The following KIF18A variants were observed in gnomAD, a reference collection of about 807,000 sequenced individuals.
KIF18A encodes the protein kinesin-like protein KIF18A.
In KIF18A, 67 loss-of-function variants were observed where a neutral mutation model predicts 103.3. That is an observed-to-expected ratio of 0.65 (90% CI 0.53 to 0.79). The LOEUF is 0.79. Ranked by LOEUF, KIF18A falls within the 30% of genes least tolerant of loss-of-function variation. KIF18A has a pLI of 0.00. For synonymous variants in KIF18A, 367 were observed against 355.5 expected, an observed-to-expected ratio of 1.03 and a Z score of -0.36; for missense variants, 1,032 against 1,062.5, an observed-to-expected ratio of 0.97 and a Z score of 0.40.
At chr11:28,066,151 T>C (rs923975045) in intron 11 of KIF18A, among the ~76,000 whole-genome samples, 2 of 152,016 alleles carry the variant, frequency 1.3e-5, no homozygotes, top group African/African-American at 2.4e-5. Flanking sequence ...TAGTTTTATG[T>C]AGTTTAGAAA....
intron 13 of KIF18A, among the ~76,000 whole-genome samples, chr11:28,051,472 T>A (rs924615904): frequency 2.0e-5 from 3 of 151,708 alleles, no homozygotes; most frequent in African/African-American, 7.3e-5. Context: ...TTGGAAAAAA[T>A]AAATTTAGAT....
At chr11:28,084,498 A>G (rs1565087602) in intron 7 of KIF18A, 134 bp downstream of exon 7, 1 of 532,070 alleles carries the variant, frequency 1.9e-6, no homozygotes, top group East Asian at 3.3e-5. Flanking sequence ...TAAGCAGGTT[A>G]GCAAAGACCC....
intron 13 of KIF18A, among the ~76,000 whole-genome samples, 185 bp downstream of exon 13, chr11:28,058,741 T>C (rs566533883): frequency 7.2e-6 from 1 of 139,804 alleles, no homozygotes; most frequent in Non-Finnish European, 1.5e-5. Flanking sequence ...ATATAGAACA[T>C]CAATGCATAC....
Position 28,036,240 on chromosome 11 carries a change from AT to A in KIF18A, c.2372del (p.Asn791MetfsTer33). 1 of 1,599,036 alleles carries A rather than the reference AT, an allele frequency of 6.3e-7. No individual in the cohort carries two copies. Among genetic ancestry groups the A allele is most frequent in the South Asian group, 1.1e-5 (1 of 89,016 alleles). ...ACCGTTGTAAAATGTCTTTGTTATC[AT>A]TTGGTAGTGATTCTTGTTCGGGTAA... ...CKLPEQESLP[N>X]DNKDILQRLD... is the part of the protein sequence containing the mutation. On this transcript the variant is annotated frameshift_variant, in exon 14 of 17. Coordinates refer to ENST00000263181, the MANE Select transcript of KIF18A (RefSeq NM_031217.4). LOFTEE classifies it high-confidence loss of function.
chr11:28,036,174 C>A, intron 14 of KIF18A, 43 bp downstream of exon 14: 3 of 1,299,568 alleles, frequency 2.3e-6, no homozygotes, highest in Non-Finnish European at 3.2e-6. Context: ...AGTTGAAAGT[C>A]TATGTTAAAA....
At chr11:28,032,718 C>A (rs768221939) in intron 15 of KIF18A, among the ~76,000 whole-genome samples, 76 of 151,760 alleles carry the variant, frequency 5.0e-4, no homozygotes, top group Admixed American at 7.2e-4. Context: ...GAAATGAAAT[C>A]AAAATGGATA....
At chr11:28,069,160 T>A in intron 11 of KIF18A, 99 bp downstream of exon 11, 1 of 880,444 alleles carries the variant, frequency 1.1e-6, no homozygotes, top group Non-Finnish European at 1.8e-6. Flanking sequence ...GAGGCAATAA[T>A]AGTTGTCTTA....
chr11:28,062,216 C>T (rs1850864318), intron 12 of KIF18A, among the ~76,000 whole-genome samples, 179 bp downstream of exon 12: 1 of 151,974 alleles, frequency 6.6e-6, no homozygotes, highest in Admixed American at 6.6e-5. Context: ...AATTTATAAA[C>T]CAATGTAAAA....
At chr11:28,032,914 A>T (rs890314553) in intron 15 of KIF18A, among the ~76,000 whole-genome samples, 3 of 151,844 alleles carry the variant, frequency 2.0e-5, no homozygotes, top group African/African-American at 4.8e-5. Flanking sequence ...ACAATCAATA[A>T]AGTGAAGAGA....
intron 1 of KIF18A, among the ~76,000 whole-genome samples, chr11:28,100,449 G>A (rs189997371): frequency 5.3e-5 from 8 of 150,820 alleles, no homozygotes; most frequent in Admixed American, 1.3e-4. Context: ...AGAGGCCATC[G>A]AGAAAAGCAA....
Position 28,094,708 on chromosome 11 carries a change from G to T in KIF18A, c.418C>A (p.Leu140Ile). The stretch of plus-strand genomic sequence containing the variant: ...TTAATCTCATCCATGCATTTGTAAA[G>T]GTGTAACATTGTTAGATACATCACT... ...PGVMYLTMLHLYKCMDEIKEE... is the reference protein window; with the variant it reads ...PGVMYLTMLHIYKCMDEIKEE... The change falls in exon 3 of 17, where the codon CTT becomes ATT. Residue 140 changes from leucine to isoleucine, a missense_variant. By Grantham distance (5) the Leu-to-Ile change is conservative (BLOSUM62 2). Coordinates refer to ENST00000263181, the MANE Select transcript of KIF18A (RefSeq NM_031217.4). 6.2e-7 allele frequency: 1 copy of T among 1,612,740 alleles called. No homozygotes were observed. Among genetic ancestry groups the T allele is most frequent in the Non-Finnish European group, 8.5e-7 (1 of 1,178,832 alleles).
At chr11:28,041,172 A>G (rs1231386414) in intron 13 of KIF18A, among the ~76,000 whole-genome samples, 1 of 151,848 alleles carries the variant, frequency 6.6e-6, no homozygotes, top group African/African-American at 2.4e-5. Context: ...TTAAGAATTT[A>G]CATTTTTGAG....
In KIF18A at chr11:28,059,101, G is replaced by T. The variant is rs764959855; in HGVS notation, c.1773C>A (p.Gly591=). 6.2e-7 allele frequency: 1 copy of T among 1,613,990 alleles called. No homozygotes were observed. The highest frequency in any genetic ancestry group is 1.1e-5 in the South Asian group (1 of 91,076). Residue 591 remains glycine (G), a synonymous_variant, in exon 13 of 17, where the codon GGC becomes GGA. Transcript: ENST00000263181. Reference sequence around the variant, plus strand: ...CAGATTCAAAAGCAGCATTTGACAGGCCGGCTTCTTTTAATGTGCAATATT... The same window carrying T: ...CAGATTCAAAAGCAGCATTTGACAGTCCGGCTTCTTTTAATGTGCAATATT... ...RKQYCTLKEA[G]LSNAAFESDF... is the part of the protein sequence containing the mutation.
At chr11:28,091,277 C>T in intron 4 of KIF18A, 132 bp downstream of exon 4, 1 of 555,158 alleles carries the variant, frequency 1.8e-6, no homozygotes, top group South Asian at 2.8e-5. Context: ...AAAATATACC[C>T]TAATCATTTA....
intron 12 of KIF18A, among the ~76,000 whole-genome samples, chr11:28,059,590 C>G (rs1384489691): frequency 6.6e-6 from 1 of 152,046 alleles, no homozygotes; most frequent in African/African-American, 2.4e-5. Flanking sequence ...TGCCACTACA[C>G]TGACTAATTT....
At chr11:28,084,169 T>TA (rs1345314432) in intron 7 of KIF18A, 1 of 152,026 alleles carries the variant, frequency 6.6e-6, no homozygotes, top group East Asian at 1.9e-4. Context: ...AAAGACTTTT[T>TA]AAAAAATAAG....
chr11:28,059,169 CAGA>C lies in KIF18A; in HGVS notation c.1713-11_1713-9del, dbSNP rs1172222423. 6.4e-7 allele frequency: 1 copy of C among 1,562,846 alleles called. No homozygotes were observed. The highest frequency in any genetic ancestry group is 1.4e-5 in the African/African-American group (1 of 73,684). ...AGTAAAGCATTCAATACTCTATATA[CAGA>C]AGATGAGAAGAAAGGAGAGATAAAT... On this transcript the variant is annotated splice_polypyrimidine_tract_variant and intron_variant, in intron 12 of 16. Coordinates refer to ENST00000263181, the MANE Select transcript of KIF18A (RefSeq NM_031217.4).
At chr11:28,100,591 T>C (rs1196183194) in intron 1 of KIF18A, among the ~76,000 whole-genome samples, 1 of 151,748 alleles carries the variant, frequency 6.6e-6, no homozygotes, top group Non-Finnish European at 1.5e-5. Context: ...ATGTTTTGTT[T>C]GTATTTTTTT....
intron 9 of KIF18A, among the ~76,000 whole-genome samples, chr11:28,078,762 C>G (rs1385107923): frequency 6.6e-6 from 1 of 151,924 alleles, no homozygotes; most frequent in Non-Finnish European, 1.5e-5. Context: ...CTCTGATAGA[C>G]AGAAAATACT....
Sources: allele counts gnomAD v4.1 joint callset (sites outside exome capture counted in the v4.1 genomes callset), GRCh38; gene constraint gnomAD v4.1.1; transcripts MANE v1.5; gene names NCBI Gene and HGNC (gene_info 2026-07-23, HGNC 2026-07-21).